Variants in PCDH9 observed in about 807,000 individuals in gnomAD.
The protein encoded by PCDH9 is protocadherin-9.
A neutral mutation model predicts 70.6 loss-of-function variants in PCDH9; 24 were observed. The ratio of observed to expected loss-of-function variants is 0.34; its 90% CI spans 0.25 to 0.48. The LOEUF (loss-of-function observed/expected upper bound fraction) is 0.48. Ranked by LOEUF, PCDH9 falls within the 20% of genes least tolerant of loss-of-function variation. The pLI, the probability that PCDH9 is intolerant of heterozygous loss-of-function variation, is 0.99. For synonymous variants in PCDH9, 562 were observed against 558.5 expected (o/e 1.01, Z -0.09); for missense variants, 1,281 against 1,503.6 (o/e 0.85, Z 2.45).
At chr13:67,229,590 CT>C (rs2089962724) in intron 1 of PCDH9, among the ~76,000 whole-genome samples, 189 bp downstream of exon 1, 1 of 152,182 alleles carries the variant, frequency 6.6e-6, no homozygotes, top group African/African-American at 2.4e-5. Flanking sequence ...CTAATCTTAT[CT>C]GCATTAGGCT....
chr13:66,809,505 C>G (rs1270321375), intron 3 of PCDH9, among the ~76,000 whole-genome samples: 1 of 152,074 alleles, frequency 6.6e-6, no homozygotes, highest in Non-Finnish European at 1.5e-5. Context: ...TCAAAACATT[C>G]TAGAGATAAA....
chr13:66,360,112 TGCAAA>T (rs568925532), intron 4 of PCDH9, among the ~76,000 whole-genome samples: 16 of 152,232 alleles, frequency 1.1e-4, no homozygotes, highest in African/African-American at 3.8e-4. Context: ...CAGAGAATCC[TGCAAA>T]GCAGAGCTAC....
chr13:66,705,965 A>G (rs1364577410), intron 3 of PCDH9, among the ~76,000 whole-genome samples: 1 of 152,182 alleles, frequency 6.6e-6, no homozygotes, highest in Non-Finnish European at 1.5e-5. Flanking sequence ...CTCTGAAGTT[A>G]TTCATCAGCT....
At chr13:66,693,384 TA>T (rs748720587) in intron 3 of PCDH9, among the ~76,000 whole-genome samples, 10 of 152,226 alleles carry the variant, frequency 6.6e-5, no homozygotes, top group Middle Eastern at 6.8e-3. Flanking sequence ...CTAAGATATT[TA>T]CAGAACCCAC....
chr13:66,702,585 C>A (rs74713538), intron 3 of PCDH9, among the ~76,000 whole-genome samples: 1 of 152,118 alleles, frequency 6.6e-6, no homozygotes, highest in African/African-American at 2.4e-5. Context: ...CACACCAAAC[C>A]CATGCCCCCC....
At position 66,478,848 on chromosome 13, in the gene PCDH9, T is replaced by C. The variant is rs1229906102; in HGVS notation, c.3340+152362A>G. Reference sequence around the variant, plus strand: ...GCTGCAACAAGTTAGCCAGAAGATATAGCTAAGATAATTGATGACAATGGC... The same window carrying C: ...GCTGCAACAAGTTAGCCAGAAGATACAGCTAAGATAATTGATGACAATGGC... On this transcript the variant is annotated intron_variant, in intron 4 of 4. Coordinates refer to ENST00000377865, the MANE Select transcript of PCDH9 (RefSeq NM_203487.3). Among the ~76,000 whole-genome samples, 5 of 152,286 alleles carry C rather than the reference T, an allele frequency of 3.3e-5. No homozygotes were observed. The East Asian group carries it at 7.7e-4, about 24-fold the overall frequency.
intron 2 of PCDH9, among the ~76,000 whole-genome samples, chr13:66,986,370 T>C (rs942159107): frequency 8.6e-5 from 13 of 152,018 alleles, no homozygotes; most frequent in Non-Finnish European, 2.9e-5. Flanking sequence ...ATAAAGTCTC[T>C]TCATCACATC....
intron 3 of PCDH9, among the ~76,000 whole-genome samples, chr13:66,758,728 T>C (rs2079575488): frequency 6.6e-6 from 1 of 152,080 alleles, no homozygotes; most frequent in Non-Finnish European, 1.5e-5. Context: ...TTGATAGAAT[T>C]CAACAGTGAT....
chr13:66,474,094 A>G (rs1958672599), intron 4 of PCDH9, among the ~76,000 whole-genome samples: 1 of 152,184 alleles, frequency 6.6e-6, no homozygotes, highest in African/African-American at 2.4e-5. Flanking sequence ...CATTCAATAT[A>G]TTATTGTGAA....
At chr13:66,534,861 A>G (rs912172606) in intron 4 of PCDH9, among the ~76,000 whole-genome samples, 3 of 152,144 alleles carry the variant, frequency 2.0e-5, no homozygotes, top group Admixed American at 6.6e-5. Context: ...GAAATTCATA[A>G]CAAATTCAAA....
At chr13:67,213,273 T>C (rs547365439) in intron 2 of PCDH9, 3 of 112,066 alleles carry the variant, frequency 2.7e-5, no homozygotes, top group East Asian at 5.1e-4. Flanking sequence ...ACGACTGATA[T>C]GAAAAACATA....
At chr13:67,154,354 T>C (rs2087741723) in intron 2 of PCDH9, among the ~76,000 whole-genome samples, 1 of 151,990 alleles carries the variant, frequency 6.6e-6, no homozygotes, top group African/African-American at 2.4e-5. Flanking sequence ...CTCTGGAAGG[T>C]GGGTGGATCA....
chr13:66,904,114 G>C (rs796931446), intron 2 of PCDH9, among the ~76,000 whole-genome samples: 6 of 151,874 alleles, frequency 4.0e-5, no homozygotes, highest in African/African-American at 1.4e-4. Context: ...ACCTTTATAA[G>C]TGATACATTT....
intron 4 of PCDH9, among the ~76,000 whole-genome samples, chr13:66,411,470 T>C (rs1283465433): frequency 6.6e-6 from 1 of 152,138 alleles, no homozygotes; most frequent in Non-Finnish European, 1.5e-5. Flanking sequence ...TTTTTTCTTT[T>C]AGATATGGGG....
chr13:66,478,971 T>C (rs1174155624), intron 4 of PCDH9, among the ~76,000 whole-genome samples: 2 of 152,166 alleles, frequency 1.3e-5, no homozygotes, highest in Non-Finnish European at 2.9e-5. Context: ...AGTCAATGCC[T>C]GGGTTCAAAG....
rs191004222 is a variant in PCDH9, at chr13:66,472,113, G to A, written c.3340+159097C>T. 3.3e-5 allele frequency among the ~76,000 whole-genome samples: 5 copies of A among 150,238 alleles called. 1 individual carries two copies. The East Asian group carries it at 9.8e-4, about 29-fold the overall frequency. ...TATAATCCCAGCTTTTCAGGAGGCT[G>A]AGGCAAAAGAATCGCTTGAACCTGG... is the stretch of plus-strand genomic sequence containing the variant. On this transcript the variant is annotated intron_variant, in intron 4 of 4. Coordinates refer to ENST00000377865, the MANE Select transcript of PCDH9 (RefSeq NM_203487.3).
intron 2 of PCDH9, among the ~76,000 whole-genome samples, chr13:66,983,702 G>T (rs776253965): frequency 6.6e-6 from 1 of 152,002 alleles, no homozygotes. Flanking sequence ...TTTATTTTAG[G>T]TTCAGGGCTA....
intron 3 of PCDH9, among the ~76,000 whole-genome samples, chr13:66,866,206 T>G (rs1291862119): frequency 2.0e-5 from 3 of 152,164 alleles, no homozygotes; most frequent in Non-Finnish European, 4.4e-5. Flanking sequence ...TGCTCGGCCA[T>G]GCGCGGTGAC....
At chr13:66,334,878 A>G (rs1956009558) in intron 4 of PCDH9, among the ~76,000 whole-genome samples, 1 of 152,020 alleles carries the variant, frequency 6.6e-6, no homozygotes, top group African/African-American at 2.4e-5. Flanking sequence ...ATTACAAGCT[A>G]CCCCATATAA....
Sources: allele counts gnomAD v4.1 joint callset (sites outside exome capture counted in the v4.1 genomes callset), GRCh38; gene constraint gnomAD v4.1.1; transcripts MANE v1.5; gene names NCBI Gene and HGNC (gene_info 2026-07-23, HGNC 2026-07-21).